HMMR: variants seen among roughly 807,000 people sequenced by gnomAD.
The protein encoded by HMMR is intracellular hyaluronic acid-binding protein.
In HMMR, 108 loss-of-function variants were observed where a neutral mutation model predicts 101.0. The observed-to-expected ratio is 1.07, with a 90% CI of 0.92 to 1.25. The LOEUF (loss-of-function observed/expected upper bound fraction) is 1.25, where lower values mean the gene tolerates loss of function less well. Among genes scored for constraint, HMMR ranks in the 50% most tolerant of loss-of-function variants. The pLI, the probability that HMMR is intolerant of heterozygous loss-of-function variation, is 0.00. For missense variants in HMMR, 813 were observed against 788.7 expected (o/e 1.03, Z -0.37); for synonymous variants, 296 against 276.4 (o/e 1.07, Z -0.70).
At chr5:163,462,385 C>T (rs189156303) in intron 1 of HMMR, among the ~76,000 whole-genome samples, 133 of 151,314 alleles carry the variant, frequency 8.8e-4, no homozygotes, top group Non-Finnish European at 1.4e-3. Context: ...GCAAAAAAAC[C>T]CCCAAAATTT....
intron 16 of HMMR, among the ~76,000 whole-genome samples, chr5:163,484,706 G>A (rs944213418): frequency 6.6e-6 from 1 of 152,010 alleles, no homozygotes; most frequent in Non-Finnish European, 1.5e-5. Flanking sequence ...TCAATTTTAG[G>A]ACATTTTCAT....
In HMMR at chr5:163,460,637, G is replaced by A. The variant is rs1427626512; in HGVS notation, c.-56G>A. The A allele has an allele frequency of 7.3e-6, 11 of 1,502,132 alleles. No homozygotes were observed. The Admixed American group carries it at 9.4e-5, about 13-fold the overall frequency. The allele number at this position is 1,502,132 out of a possible 1,614,324, so 93.1% of individuals were successfully genotyped here. On this transcript the variant is annotated 5_prime_UTR_variant, in exon 1 of 18. Transcript: ENST00000393915. ...TGAAACCGGTAGGGAGTGATAATCC[G>A]CATTCAGTTGTCGAGGAGTGCCAGT...
intron 1 of HMMR, among the ~76,000 whole-genome samples, chr5:163,463,344 G>A (rs919680647): frequency 6.6e-6 from 1 of 152,204 alleles, no homozygotes; most frequent in Non-Finnish European, 1.5e-5. Context: ...TTGCTCTAGT[G>A]TGGTTGCTTT....
At chr5:163,474,613 A>G (rs888264966) in intron 10 of HMMR, 4 of 455,592 alleles carry the variant, frequency 8.8e-6, no homozygotes, top group Non-Finnish European at 1.8e-5. Flanking sequence ...CTGAAAAATT[A>G]TGGGCATAGG....
intron 16 of HMMR, among the ~76,000 whole-genome samples, chr5:163,486,715 G>A (rs918935652): frequency 1.3e-5 from 2 of 152,206 alleles, no homozygotes; most frequent in East Asian, 3.8e-4. Flanking sequence ...GATCTAGGGG[G>A]AAAGCATTCA....
rs376665983 is a variant in HMMR, at chr5:163,471,422, C to T, written c.609C>T (p.Leu203=). Residue 203 remains leucine, a synonymous_variant, in exon 7 of 18, where the codon CTC becomes CTT. Coordinates refer to ENST00000393915, the MANE Select transcript of HMMR (RefSeq NM_001142556.2). ...EMKLQVTQRS[L]EESQGKIAQL... Reference sequence around the variant, plus strand: ...AGCTGCAGGTCACCCAAAGGAGTCTCGAAGAGTCTCAAGGGAAAATAGCCC... The same window carrying T: ...AGCTGCAGGTCACCCAAAGGAGTCTTGAAGAGTCTCAAGGGAAAATAGCCC... 6.8e-6 allele frequency: 11 copies of T among 1,613,756 alleles called. No individual in the cohort carries two copies. The African/African-American group carries it at 1.1e-4, about 16-fold the overall frequency.
At chr5:163,478,372 T>C (rs1371798281) in intron 11 of HMMR, among the ~76,000 whole-genome samples, 1 of 152,212 alleles carries the variant, frequency 6.6e-6, no homozygotes, top group African/African-American at 2.4e-5. Flanking sequence ...TTTTGACTGG[T>C]AATCTTTTGC....
At chr5:163,475,385 CTTTT>C (rs1419509012) in intron 10 of HMMR, 69 bp from the exon 11 acceptor site, 3 of 761,750 alleles carry the variant, frequency 3.9e-6, no homozygotes, top group Non-Finnish European at 4.3e-6. Flanking sequence ...TTTATCTGTA[CTTTT>C]TTTTGTCTCC....
Position 163,474,288 on chromosome 5 carries a change from T to A in HMMR, c.1053+83T>A, listed in dbSNP as rs572992389. On this transcript the variant is annotated intron_variant, in intron 10 of 17. Coordinates refer to ENST00000393915, the MANE Select transcript of HMMR (RefSeq NM_001142556.2). ...TCTCTGAACACCTTTAAATTGTGTA[T>A]ATCCTTTGATCTACCAATTCTATCT... 1.4e-4 allele frequency: 143 copies of A among 1,007,652 alleles called. No homozygotes were observed. The East Asian group carries it at 3.5e-3, about 25-fold the overall frequency. 62.4% of individuals were successfully genotyped at this position (1,007,652 alleles called of 1,614,324 possible).
chr5:163,468,812 A>G (rs1007569503), intron 4 of HMMR, among the ~76,000 whole-genome samples: 5 of 152,012 alleles, frequency 3.3e-5, no homozygotes, highest in African/African-American at 1.2e-4. Context: ...CCCCCCCATT[A>G]TATTAAAAAT....
In HMMR at chr5:163,462,811, G is replaced by A. The variant is rs1482449159; in HGVS notation, c.47-1045G>A. Among the ~76,000 whole-genome samples the A allele has an allele frequency of 2.7e-5, 3 of 109,644 alleles. No individual in the cohort carries two copies. In the East Asian group the frequency reaches 8.3e-4, roughly 31 times the overall value. 71.9% of individuals were successfully genotyped at this position (109,644 alleles called of 152,430 possible). A position where few individuals can be genotyped will look rare whatever the true frequency, so the allele number is the denominator to read the frequency against. ...CCACTACACTCCAGCCTAGACAACA[G>A]AGCAAGACTCCGTCTCAAAAAAAAA... On this transcript the variant is annotated intron_variant, in intron 1 of 17. Coordinates refer to ENST00000393915, the MANE Select transcript of HMMR (RefSeq NM_001142556.2).
chr5:163,464,710 C>T lies in HMMR; in HGVS notation c.146-13C>T. On this transcript the variant is annotated splice_polypyrimidine_tract_variant and intron_variant, in intron 2 of 17. Transcript: ENST00000393915. The stretch of plus-strand genomic sequence containing the variant: ...GACATCAACCATGATCTGTACAATT[C>T]ATTTTTCCGCAGAATCTAAACAAAA... The T allele has an allele frequency of 6.4e-7, 1 of 1,568,676 alleles. No homozygotes were observed. The highest frequency in any genetic ancestry group is 1.1e-5 in the South Asian group (1 of 90,078).
At chr5:163,487,786 G>C (rs1312685685) in intron 16 of HMMR, among the ~76,000 whole-genome samples, 1 of 151,300 alleles carries the variant, frequency 6.6e-6, no homozygotes, top group Non-Finnish European at 1.5e-5. Context: ...CTAGTAATTT[G>C]AGTCTTTTTT....
chr5:163,478,633 G>A, intron 11 of HMMR, 51 bp from the exon 12 acceptor site: 1 of 1,002,646 alleles, frequency 1.0e-6, no homozygotes, highest in Non-Finnish European at 1.6e-6. Flanking sequence ...TTCTTTCTTA[G>A]GGTAGTAATT....
chr5:163,462,595 GGCAGAGAGATCA>G (rs1469064160), intron 1 of HMMR, among the ~76,000 whole-genome samples: 1 of 152,022 alleles, frequency 6.6e-6, no homozygotes, highest in Non-Finnish European at 1.5e-5. Context: ...GGGAGGCCGA[GGCAGAGAGATCA>G]GCTGAGGTCA....
At chr5:163,466,978 T>G (rs1758726268) in intron 3 of HMMR, among the ~76,000 whole-genome samples, 1 of 152,174 alleles carries the variant, frequency 6.6e-6, no homozygotes, top group African/African-American at 2.4e-5. Flanking sequence ...GAAAACTAAA[T>G]TACATACAAG....
intron 16 of HMMR, among the ~76,000 whole-genome samples, chr5:163,488,966 G>T (rs1759581065): frequency 6.6e-6 from 1 of 152,074 alleles, no homozygotes; most frequent in Non-Finnish European, 1.5e-5. Flanking sequence ...GTTCTTTAAT[G>T]GTTCCCCAAC....
chr5:163,471,557 C>T lies in HMMR; in HGVS notation c.650+94C>T, dbSNP rs1204493397. 4 of 791,228 alleles carry T rather than the reference C, an allele frequency of 5.1e-6. No homozygotes were observed. In the African/African-American group the frequency reaches 6.9e-5, roughly 14 times the overall value. The allele number at this position is 791,228 out of a possible 1,614,324, so 49.0% of individuals were successfully genotyped here. ...TATTGTTTACTGAGACTTCAACCTT[C>T]TGTTAGTACTTATCTCATTGCCTCC... On this transcript the variant is annotated intron_variant, in intron 7 of 17. Coordinates refer to ENST00000393915, the MANE Select transcript of HMMR (RefSeq NM_001142556.2).
chr5:163,480,358 G>A (rs566175791), intron 12 of HMMR, among the ~76,000 whole-genome samples: 56 of 151,940 alleles, frequency 3.7e-4, no homozygotes, highest in Non-Finnish European at 7.4e-4. Flanking sequence ...TTTTCATTCT[G>A]CATTATGTGT....
Sources: gnomAD v4.1 joint callset for allele counts (sites outside exome capture counted in the v4.1 genomes callset) on GRCh38, gnomAD v4.1.1 for gene constraint, MANE v1.5 for transcripts, NCBI Gene and HGNC (gene_info 2026-07-23, HGNC 2026-07-21) for gene names.